The following XKRX variants were observed in gnomAD, a reference collection of about 807,000 sequenced individuals.
XKRX encodes XK related X-linked.
XKRX carries 11 observed loss-of-function variants against 22.4 expected under a neutral mutation model. That is an observed-to-expected ratio of 0.49 (90% CI 0.31 to 0.81). The LOEUF (loss-of-function observed/expected upper bound fraction) is 0.81. Among genes scored for constraint, XKRX ranks in the 40% least tolerant of loss-of-function variants. The pLI is 0.05. For synonymous variants in XKRX, 114 were observed against 132.2 expected (o/e 0.86, Z 0.94); for missense variants, 320 against 336.5 (o/e 0.95, Z 0.38).
the XKRX span, among the ~76,000 whole-genome samples, chrX:100,942,519 G>A: frequency 1.8e-4 from 20 of 111,903 alleles, no homozygotes; most frequent in African/African-American, 6.5e-4. Flanking sequence ...CAGTCAATCT[G>A]GGAGAGCAGG....
downstream of XKRX, among the ~76,000 whole-genome samples, chrX:100,909,626 T>TG (rs1460985415): frequency 8.9e-6 from 1 of 111,838 alleles, no homozygotes; most frequent in Non-Finnish European, 1.9e-5. Context: ...CATATAGGCC[T>TG]GGCACAGTGG....
chrX:100,894,371 T>C, the XKRX span, among the ~76,000 whole-genome samples: 1 of 112,300 alleles, frequency 8.9e-6, no homozygotes, highest in African/African-American at 3.2e-5. Flanking sequence ...ACACCATAAA[T>C]ATATACAATT....
the XKRX span, among the ~76,000 whole-genome samples, chrX:100,890,041 T>C: frequency 4.5e-5 from 5 of 111,410 alleles, no homozygotes; most frequent in Non-Finnish European, 9.4e-5. Flanking sequence ...AGGCAACACA[T>C]TTCTGGTATT....
the XKRX span, among the ~76,000 whole-genome samples, chrX:100,906,990 T>C: frequency 9.0e-6 from 1 of 111,475 alleles, no homozygotes; most frequent in Non-Finnish European, 1.9e-5. Context: ...GTAACTCCCC[T>C]ATTTCAAGGT....
At position 100,913,491 on chromosome X, in the gene XKRX, A is replaced by T. The variant is rs994366511; in HGVS notation, c.*847T>A. On this transcript the variant is annotated 3_prime_UTR_variant, in exon 3 of 3. Coordinates refer to ENST00000372956, the MANE Select transcript of XKRX (RefSeq NM_212559.3). ...CTTCCACACATCGGAAACATTTTCA[A>T]TTACAGTTCAGCTTCTCTGAGGTCC... 10 of 111,788 alleles carry T rather than the reference A, an allele frequency of 8.9e-5. No individual in the cohort carries two copies. Among genetic ancestry groups the T allele is most frequent in the Non-Finnish European group, 1.7e-4 (9 of 53,145 alleles). The allele number at this position is 111,788 out of a possible 1,213,427, so 9.2% of individuals were successfully genotyped here. A position where few individuals can be genotyped will look rare whatever the true frequency, so the allele number is the denominator to read the frequency against.
the XKRX span, among the ~76,000 whole-genome samples, chrX:100,938,574 A>C: frequency 9.0e-6 from 1 of 111,589 alleles, no homozygotes. Flanking sequence ...GGCTGCAGTG[A>C]GCCGAGATCA....
the XKRX span, among the ~76,000 whole-genome samples, chrX:100,902,786 T>G: frequency 9.1e-6 from 1 of 110,011 alleles, no homozygotes; most frequent in African/African-American, 3.3e-5. Flanking sequence ...AGTCTCGCTC[T>G]GTCACCCAGG....
chrX:100,936,708 T>C, the XKRX span, among the ~76,000 whole-genome samples: 2 of 109,455 alleles, frequency 1.8e-5, no homozygotes, highest in Non-Finnish European at 3.8e-5. Context: ...TCAGGAAACT[T>C]ACAATAATGG....
At chrX:100,897,593 A>ATGTGTGTGTGTG in the XKRX span, among the ~76,000 whole-genome samples, 13 of 66,462 alleles carry the variant, frequency 2.0e-4, no homozygotes, top group East Asian at 1.0e-3. Flanking sequence ...AAATATATAT[A>ATGTGTGTGTGTG]TGTGTGTGTG....
At chrX:100,901,802 C>G in the XKRX span, among the ~76,000 whole-genome samples, 17 of 110,866 alleles carry the variant, frequency 1.5e-4, 1 homozygote, top group African/African-American at 5.2e-4. Context: ...GAGTTCAAGA[C>G]TAGCCGGACC....
At chrX:100,917,674 A>AAAAAGAAAGAAAGAAAGAAAGAAAGAAAG (rs2085448567) in intron 2 of XKRX, among the ~76,000 whole-genome samples, 2 of 25,413 alleles carry the variant, frequency 7.9e-5, no homozygotes, top group African/African-American at 1.8e-4. Flanking sequence ...AGAAAGAAAG[A>AAAAAGAAAGAAAGAAAGAAAGAAAGAAAG]AAAGAAAGAA....
At chrX:100,902,088 C>CA in the XKRX span, among the ~76,000 whole-genome samples, 17 of 103,006 alleles carry the variant, frequency 1.7e-4, no homozygotes, top group South Asian at 8.6e-4. Context: ...CATTCTCAGA[C>CA]AAAAAAAAAA....
chrX:100,897,591 A>ATGTGTGTG, the XKRX span, among the ~76,000 whole-genome samples: 6 of 40,171 alleles, frequency 1.5e-4, no homozygotes, highest in Non-Finnish European at 2.1e-4. Flanking sequence ...ACAAATATAT[A>ATGTGTGTG]TATGTGTGTG....
upstream of XKRX, among the ~76,000 whole-genome samples, chrX:100,932,211 T>G (rs2085523776): frequency 9.0e-6 from 1 of 111,520 alleles, no homozygotes; most frequent in African/African-American, 3.3e-5. Flanking sequence ...AGTAGCTAAC[T>G]GAGAATTTGC....
chrX:100,927,868 T>A (rs1401307699), intron 1 of XKRX, 102 bp downstream of exon 1: 6 of 994,870 alleles, frequency 6.0e-6, no homozygotes, highest in African/African-American at 1.9e-5. Flanking sequence ...AATGAGAGAA[T>A]TGATTAGAGC....
the XKRX span, chrX:100,887,640 A>G: frequency 3.0e-6 from 2 of 670,741 alleles, no homozygotes; most frequent in Admixed American, 4.5e-5. Context: ...CCTAATTAAC[A>G]TCTTCTGCCA....
At chrX:100,911,366 A>C, downstream of XKRX, 2 of 808,747 alleles carry the variant, frequency 2.5e-6, no homozygotes, top group South Asian at 4.1e-5. Flanking sequence ...AGGTACTGTC[A>C]TTGAGGTAAA....
chrX:100,908,509 A>G (rs944762759), downstream of XKRX, among the ~76,000 whole-genome samples: 6 of 111,579 alleles, frequency 5.4e-5, no homozygotes, highest in Non-Finnish European at 9.4e-5. Context: ...TCTTTTGCCA[A>G]GACTCAACAT....
chrX:100,892,898 T>G, the XKRX span, among the ~76,000 whole-genome samples: 1 of 112,534 alleles, frequency 8.9e-6, no homozygotes, highest in Middle Eastern at 4.6e-3. Context: ...GCAGCATTCT[T>G]CACATTAACC....
Sources: gnomAD v4.1 joint callset for allele counts (sites outside exome capture counted in the v4.1 genomes callset) on GRCh38, gnomAD v4.1.1 for gene constraint, MANE v1.5 for transcripts, NCBI Gene and HGNC (gene_info 2026-07-23, HGNC 2026-07-21) for gene names.